The following TENM1 variants were observed in gnomAD, a reference collection of about 807,000 sequenced individuals.
The protein encoded by TENM1 is teneurin transmembrane protein 1, also known as teneurin-1.
TENM1 carries 35 observed loss-of-function variants against 174.8 expected under a neutral mutation model. That is an observed-to-expected ratio of 0.20 (90% CI 0.15 to 0.27). The LOEUF is 0.27. Ranked by LOEUF, TENM1 falls within the 10% of genes least tolerant of loss-of-function variation. The pLI, the probability that TENM1 is intolerant of heterozygous loss-of-function variation, is 1.00. For synonymous variants in TENM1, 781 were observed against 798.7 expected (o/e 0.98, Z 0.37); for missense variants, 1,633 against 2,130.1 (o/e 0.77, Z 4.59).
rs765269744 is a variant in TENM1, at chrX:124,554,245, C to A, written c.2435-7155G>T. On this transcript the variant is annotated intron_variant, in intron 14 of 31. Coordinates refer to ENST00000422452, the Ensembl canonical transcript of TENM1. The stretch of plus-strand genomic sequence containing the variant: ...AACTAATATATCAAATTGTTATTAA[C>A]AGATTCTTCATTGATAACACACTTT... Among the ~76,000 whole-genome samples, 4 of 112,593 alleles carry A rather than the reference C, an allele frequency of 3.6e-5. No individual in the cohort carries two copies. In the East Asian group the frequency reaches 1.1e-3, roughly 31 times the overall value.
intron 3 of TENM1, among the ~76,000 whole-genome samples, chrX:124,757,304 G>A (rs754861366): frequency 7.1e-5 from 8 of 112,601 alleles, no homozygotes; most frequent in African/African-American, 9.7e-5. Context: ...AGCCAGGTGC[G>A]GGATATAATC....
the TENM1 span, among the ~76,000 whole-genome samples, chrX:125,198,657 C>T: frequency 9.0e-6 from 1 of 111,559 alleles, no homozygotes; most frequent in Non-Finnish European, 1.9e-5. Flanking sequence ...CAGCCTTTTA[C>T]AGCAGTTACT....
rs539228715 is a variant in TENM1, at chrX:124,648,224, A to T, written c.1580-1414T>A. Among the ~76,000 whole-genome samples the T allele has an allele frequency of 2.7e-5, 3 of 112,324 alleles. No homozygotes were observed. The South Asian group carries it at 1.1e-3, about 42-fold the overall frequency. Reference sequence around the variant, plus strand: ...AATAGTAACCTTCCATAGTTAGAGAACTTTGTTCTAAATGTTGCATTTTTG... The same window carrying T: ...AATAGTAACCTTCCATAGTTAGAGATCTTTGTTCTAAATGTTGCATTTTTG... On this transcript the variant is annotated intron_variant, in intron 8 of 31. Coordinates refer to ENST00000422452, the Ensembl canonical transcript of TENM1.
intron 4 of TENM1, among the ~76,000 whole-genome samples, chrX:124,736,467 C>T (rs1255737069): frequency 9.1e-6 from 1 of 110,303 alleles, no homozygotes; most frequent in African/African-American, 3.3e-5. Flanking sequence ...ACATATACTT[C>T]CATTACATGA....
At chrX:125,155,309 G>A in the TENM1 span, among the ~76,000 whole-genome samples, 6 of 111,861 alleles carry the variant, frequency 5.4e-5, no homozygotes, top group African/African-American at 2.0e-4. Context: ...CAAACCTTGA[G>A]CTAGATACGG....
exon 25 of TENM1, chrX:124,420,316 A>G: frequency 8.3e-7 from 1 of 1,198,498 alleles, no homozygotes; most frequent in East Asian, 3.0e-5. Flanking sequence ...CTTACTCATA[A>G]ACGGTTGTCC....
chrX:124,480,670 T>A (rs1339598141), intron 22 of TENM1, among the ~76,000 whole-genome samples: 2 of 112,335 alleles, frequency 1.8e-5, no homozygotes, highest in Non-Finnish European at 1.9e-5. Flanking sequence ...TTTAATTAAA[T>A]TTTTTTATTC....
Position 124,512,508 on chromosome X carries a change from C to T in TENM1, c.3301+8009G>A, listed in dbSNP as rs983210617. 3.6e-5 allele frequency among the ~76,000 whole-genome samples: 4 copies of T among 110,761 alleles called. No individual in the cohort carries two copies. The Admixed American group carries it at 3.8e-4, about 11-fold the overall frequency. ...GTGACTGTGACTTTTGTACTGGAAC[C>T]CTGGGGATGATTTTACTCTTCTTCC... On this transcript the variant is annotated intron_variant, in intron 18 of 31. Transcript: ENST00000422452.
the TENM1 span, among the ~76,000 whole-genome samples, chrX:125,113,211 C>T: frequency 4.3e-3 from 476 of 111,414 alleles, 2 homozygotes; most frequent in African/African-American, 0.014. Flanking sequence ...TCAACTCTTA[C>T]CTCATGCCAG....
intron 3 of TENM1, among the ~76,000 whole-genome samples, chrX:124,819,953 G>A (rs1436693219): frequency 2.7e-5 from 3 of 109,333 alleles, no homozygotes; most frequent in Non-Finnish European, 3.8e-5. Flanking sequence ...GTACCATCAC[G>A]CCAGGCTAAT....
At chrX:125,070,105 C>A in the TENM1 span, among the ~76,000 whole-genome samples, 1 of 109,602 alleles carries the variant, frequency 9.1e-6, no homozygotes, top group Non-Finnish European at 1.9e-5. Flanking sequence ...GAGGGAGGAT[C>A]ACTTGAGCTT....
chrX:124,891,794 A>G (rs1603264415), intron 3 of TENM1, among the ~76,000 whole-genome samples: 1 of 111,814 alleles, frequency 8.9e-6, no homozygotes, highest in African/African-American at 3.3e-5. Context: ...GGTCTGACAC[A>G]CTGTAGCACT....
At chrX:125,144,741 ATTT>A in the TENM1 span, among the ~76,000 whole-genome samples, 1 of 94,835 alleles carries the variant, frequency 1.1e-5, no homozygotes, top group Non-Finnish European at 2.1e-5. Flanking sequence ...GGTGCTCATA[ATTT>A]TTTTTTTTTT....
At chrX:124,802,937 C>T (rs760592261) in intron 3 of TENM1, among the ~76,000 whole-genome samples, 52 of 112,031 alleles carry the variant, frequency 4.6e-4, no homozygotes, top group Admixed American at 4.0e-3. Flanking sequence ...TAATAGATAT[C>T]AGTAGTGGCT....
rs73543965 is a variant in TENM1, at chrX:124,663,665, G to A, written c.1168+8018C>T. On this transcript the variant is annotated intron_variant, in intron 6 of 31. Coordinates refer to ENST00000422452, the Ensembl canonical transcript of TENM1. Reference sequence around the variant, plus strand: ...ATGGCATTCTATAGCATACCACTTAGTGACCCTGTCAGATGCAGACTGTTA... The same window carrying A: ...ATGGCATTCTATAGCATACCACTTAATGACCCTGTCAGATGCAGACTGTTA... Among the ~76,000 whole-genome samples, 1,038 of 110,921 alleles carry A rather than the reference G, an allele frequency of 9.4e-3. 11 individuals carry two copies. The highest frequency in any genetic ancestry group is 0.033 in the African/African-American group (995 of 30,494).
At chrX:124,554,787 A>G (rs1399828443) in intron 14 of TENM1, among the ~76,000 whole-genome samples, 1 of 111,813 alleles carries the variant, frequency 8.9e-6, no homozygotes, top group African/African-American at 3.3e-5. Context: ...ACACTACATC[A>G]TAAAAGAGGC....
At chrX:124,517,552 T>C (rs2047735910) in intron 18 of TENM1, among the ~76,000 whole-genome samples, 1 of 106,374 alleles carries the variant, frequency 9.4e-6, no homozygotes, top group Non-Finnish European at 1.9e-5. Flanking sequence ...CTCAGCAAAC[T>C]ATCGCAAGGA....
chrX:124,618,872 G>T (rs1453023122), intron 11 of TENM1, among the ~76,000 whole-genome samples: 2 of 112,157 alleles, frequency 1.8e-5, no homozygotes, highest in African/African-American at 6.5e-5. Flanking sequence ...CTTCAGCTCA[G>T]GAGTTTGAGA....
At chrX:124,379,258 G>A (rs1326028794) in exon 32 of TENM1, 1 of 112,467 alleles carries the variant, frequency 8.9e-6, no homozygotes, top group Non-Finnish European at 1.9e-5. Flanking sequence ...GGTAAGTACG[G>A]AGAACGAAAA....
Sources: gnomAD v4.1 joint callset for allele counts (sites outside exome capture counted in the v4.1 genomes callset) on GRCh38, gnomAD v4.1.1 for gene constraint, MANE v1.5 for transcripts, NCBI Gene and HGNC (gene_info 2026-07-23, HGNC 2026-07-21) for gene names.